EXPH5: variants seen among roughly 807,000 people sequenced by gnomAD.
The protein encoded by EXPH5 is exophilin-5.
EXPH5 carries 42 observed loss-of-function variants against 41.1 expected under a neutral mutation model. That is an observed-to-expected ratio of 1.02 (90% CI 0.80 to 1.32). EXPH5 has a LOEUF of 1.32. Among genes scored for constraint, EXPH5 ranks in the 40% most tolerant of loss-of-function variants. EXPH5 has a pLI of 0.00. For synonymous variants in EXPH5, 798 were observed against 833.5 expected (o/e 0.96, Z 0.73); for missense variants, 2,298 against 2,314.5 (o/e 0.99, Z 0.15).
At chr11:108,573,196 GAA>G (rs369376056) in intron 1 of EXPH5, among the ~76,000 whole-genome samples, 1,912 of 107,658 alleles carry the variant, frequency 0.018, 51 homozygotes, top group East Asian at 0.067. Context: ...AAGAAAGAAA[GAA>G]AAAGAAAGAA....
rs2093898187 is a variant in EXPH5 at position 108,539,151 on chromosome 11, C to T, written c.316G>A (p.Val106Ile). 6.2e-7 allele frequency: 1 copy of T among 1,607,634 alleles called. No individual in the cohort carries two copies. Among genetic ancestry groups the T allele is most frequent in the Admixed American group, 1.7e-5 (1 of 59,158 alleles). ...GGTGTCGGCTTTTTTTGATTAGTTA[C>T]ATTTTTAGATCTTGATGTAGGTAAT... The part of the protein sequence containing the change: ...IELPTSRSKN[V>I]TNQKKPTPFS... The change falls in exon 3 of 6, where the codon GTA (valine) becomes ATA (isoleucine). Residue 106 changes from valine (V) to isoleucine (I), a missense_variant. By Grantham distance (29) the Val-to-Ile change is conservative (BLOSUM62 3). Coordinates refer to ENST00000265843, the MANE Select transcript of EXPH5 (RefSeq NM_015065.3).
At chr11:108,602,739 A>G in the EXPH5 span, among the ~76,000 whole-genome samples, 1 of 152,232 alleles carries the variant, frequency 6.6e-6, no homozygotes, top group Non-Finnish European at 1.5e-5. Context: ...CATAAAGCAG[A>G]TTATAAGGGG....
At chr11:108,601,016 G>A in the EXPH5 span, among the ~76,000 whole-genome samples, 3 of 152,148 alleles carry the variant, frequency 2.0e-5, no homozygotes, top group African/African-American at 7.2e-5. Context: ...CCCATGGATC[G>A]GCAAGAACTG....
rs1459869393 is a variant in EXPH5, at chr11:108,509,719, G to C, written c.5788C>G (p.Pro1930Ala). 6.2e-7 allele frequency: 1 copy of C among 1,609,838 alleles called. No individual in the cohort carries two copies. The highest frequency in any genetic ancestry group is 1.7e-5 in the Admixed American group (1 of 58,986). ...GAGCTTAATGACTCTGAGGGGTTGG[G>C]AGGGTTCCTCAAATCATCTTTTAGG... ...GFLKDDLRNP[P>A]NPSESLSSNS... is the part of the protein sequence containing the mutation. The change falls in exon 6 of 6, where the codon CCC becomes GCC. Residue 1930 changes from proline to alanine, a missense_variant. By Grantham distance (27) the Pro-to-Ala change is conservative. Transcript: ENST00000265843.
At chr11:108,546,778 C>A (rs2093940099) in intron 1 of EXPH5, among the ~76,000 whole-genome samples, 1 of 151,908 alleles carries the variant, frequency 6.6e-6, no homozygotes, top group Non-Finnish European at 1.5e-5. Context: ...TTTAAAAATA[C>A]TTTATAAATA....
chr11:108,547,887 A>G (rs1476707134), intron 1 of EXPH5, among the ~76,000 whole-genome samples: 1 of 152,090 alleles, frequency 6.6e-6, no homozygotes, highest in Admixed American at 6.5e-5. Context: ...AGGCAGGTGG[A>G]TCACCTGAGG....
At chr11:108,560,428 T>G (rs1042498020) in intron 1 of EXPH5, among the ~76,000 whole-genome samples, 1 of 152,252 alleles carries the variant, frequency 6.6e-6, no homozygotes, top group Non-Finnish European at 1.5e-5. Context: ...GAAACCCTTT[T>G]TATCCATCTA....
At chr11:108,565,997 A>T (rs1048794050) in intron 1 of EXPH5, among the ~76,000 whole-genome samples, 1 of 152,274 alleles carries the variant, frequency 6.6e-6, no homozygotes, top group Non-Finnish European at 1.5e-5. Flanking sequence ...CAATTCAACC[A>T]TAATGAGCAC....
At chr11:108,527,557 C>T (rs755374494) in intron 4 of EXPH5, among the ~76,000 whole-genome samples, 35 of 152,186 alleles carry the variant, frequency 2.3e-4, no homozygotes, top group Non-Finnish European at 4.0e-4. Context: ...ATACGAGTTA[C>T]ACAGGAAGAC....
intron 1 of EXPH5, among the ~76,000 whole-genome samples, chr11:108,550,640 G>T (rs2004820): frequency 0.016 from 2,465 of 152,068 alleles, 61 homozygotes; most frequent in South Asian, 0.064. Context: ...TTAGCTGGGC[G>T]TGGTGGTGCA....
intron 3 of EXPH5, among the ~76,000 whole-genome samples, chr11:108,529,540 C>A (rs2093823028): frequency 6.6e-6 from 1 of 152,088 alleles, no homozygotes; most frequent in East Asian, 1.9e-4. Context: ...GGTTCTCTGT[C>A]TGAATTCATG....
chr11:108,570,828 G>A lies in EXPH5; in HGVS notation c.119+22590C>T, dbSNP rs551783840. ...CCCAAAGTGTTGGGATTACTGGCAT[G>A]AGCCACCAAAAAGTATTATCACTTT... On this transcript the variant is annotated intron_variant, in intron 1 of 5. Transcript: ENST00000265843. 2.0e-5 allele frequency among the ~76,000 whole-genome samples: 3 copies of A among 152,314 alleles called. No individual in the cohort carries two copies. In the South Asian group the frequency reaches 6.2e-4, roughly 32 times the overall value.
intron 1 of EXPH5, among the ~76,000 whole-genome samples, chr11:108,561,374 G>GTTTTGTTTTT (rs1168041519): frequency 1.3e-5 from 2 of 151,954 alleles, no homozygotes; most frequent in Non-Finnish European, 1.5e-5. Context: ...GTTTTGTTTT[G>GTTTTGTTTTT]TTTTAAATCA....
At chr11:108,528,387 C>T (rs886800739) in intron 3 of EXPH5, among the ~76,000 whole-genome samples, 1 of 152,198 alleles carries the variant, frequency 6.6e-6, no homozygotes, top group African/African-American at 2.4e-5. Flanking sequence ...CAATACTTTA[C>T]ATCTTTGTCC....
chr11:108,525,202 A>G (rs1485941234), intron 4 of EXPH5, among the ~76,000 whole-genome samples: 2 of 152,130 alleles, frequency 1.3e-5, no homozygotes, highest in East Asian at 1.9e-4. Context: ...CTTTTTCTTT[A>G]AATTACCCAG....
Position 108,514,118 on chromosome 11 carries a change from G to A in EXPH5, c.1389C>T (p.Ser463=), listed in dbSNP as rs1298804398. The A allele has an allele frequency of 6.2e-7, 1 of 1,613,694 alleles. No homozygotes were observed. Among genetic ancestry groups the A allele is most frequent in the South Asian group, 1.1e-5 (1 of 90,958 alleles). ...QSNTFTRSFF[S]NTFGRSGEQR... ...GTTCTCCGCTTCGTCCAAAGGTATT[G>A]CTGAAGAAAGATCTGGTAAATGTGT... The change falls in exon 6 of 6, where the codon AGC becomes AGT. Residue 463 remains serine, a synonymous_variant. Coordinates refer to ENST00000265843, the MANE Select transcript of EXPH5 (RefSeq NM_015065.3).
intron 4 of EXPH5, among the ~76,000 whole-genome samples, chr11:108,524,502 C>T (rs2093785741): frequency 1.3e-5 from 2 of 152,168 alleles, no homozygotes; most frequent in African/African-American, 2.4e-5. Context: ...AAAATGCTGG[C>T]TTTCAGGATC....
At chr11:108,583,101 C>A (rs1006760716) in intron 1 of EXPH5, among the ~76,000 whole-genome samples, 1 of 151,924 alleles carries the variant, frequency 6.6e-6, no homozygotes, top group Non-Finnish European at 1.5e-5. Context: ...ATAAGTATAT[C>A]GCCAGGCGCA....
chr11:108,505,675 A>G lies in EXPH5; in HGVS notation c.*3862T>C, dbSNP rs2093640701. The stretch of plus-strand genomic sequence containing the variant: ...GGGAAGTAAAATATTTTACATATTT[A>G]CACTGTACATTTAAATGGGATATTC... On this transcript the variant is annotated 3_prime_UTR_variant, in exon 6 of 6. Transcript: ENST00000265843. The G allele has an allele frequency of 6.6e-6, 1 of 152,276 alleles. No individual in the cohort carries two copies. Among genetic ancestry groups the G allele is most frequent in the African/African-American group, 2.4e-5 (1 of 41,468 alleles). The allele number at this position is 152,276 out of a possible 1,614,324, so 9.4% of individuals were successfully genotyped here.
Sources: allele counts gnomAD v4.1 joint callset (sites outside exome capture counted in the v4.1 genomes callset), GRCh38; gene constraint gnomAD v4.1.1; transcripts MANE v1.5; gene names NCBI Gene and HGNC (gene_info 2026-07-23, HGNC 2026-07-21).